The following NIBAN2 variants were observed in gnomAD, a reference collection of about 807,000 sequenced individuals.
NIBAN2 encodes protein Niban 2.
A neutral mutation model predicts 81.8 loss-of-function variants in NIBAN2; 36 were observed. The ratio of observed to expected loss-of-function variants is 0.44; its 90% CI spans 0.34 to 0.58. The LOEUF (loss-of-function observed/expected upper bound fraction) is 0.58. Ranked by LOEUF, NIBAN2 falls within the 20% of genes least tolerant of loss-of-function variation. The probability of loss-of-function intolerance (pLI) is 0.02; values close to 1 mark genes in which losing one functional copy is unlikely to be tolerated. For missense variants in NIBAN2, 897 were observed against 1,014.1 expected (o/e 0.88, Z 1.57); for synonymous variants, 445 against 441.6 (o/e 1.01, Z -0.10).
chr9:127,542,481 A>T (rs1837397406), intron 1 of NIBAN2, among the ~76,000 whole-genome samples: 1 of 152,130 alleles, frequency 6.6e-6, no homozygotes, highest in Non-Finnish European at 1.5e-5. Context: ...CTCAGGCCAG[A>T]CCCACCCCCA....
In NIBAN2 at chr9:127,523,758, G is replaced by A. The variant is rs755823089; in HGVS notation, c.510C>T (p.Tyr170=). ...CGGCTTCTGTCATCATGCAGAAGTAGTAGTGACGCGCATAAGGATGCCAGA... is the reference window on the plus strand; with the variant it reads ...CGGCTTCTGTCATCATGCAGAAGTAATAGTGACGCGCATAAGGATGCCAGA... ...LILWHPYARH[Y]YFCMMTEAEQ... is the part of the protein sequence containing the mutation. The change falls in exon 5 of 14, where the codon TAC becomes TAT. Residue 170 remains tyrosine (Y), a synonymous_variant. Coordinates refer to ENST00000373312, the MANE Select transcript of NIBAN2 (RefSeq NM_022833.4). The A allele has an allele frequency of 1.6e-5, 26 of 1,614,022 alleles. No individual in the cohort carries two copies. Among genetic ancestry groups the A allele is most frequent in the Non-Finnish European group, 2.1e-5 (25 of 1,180,040 alleles).
upstream of NIBAN2, chr9:127,569,172 C>T: frequency 1.4e-6 from 1 of 739,288 alleles, no homozygotes; most frequent in Non-Finnish European, 1.6e-6. Flanking sequence ...CGCCCGCTGC[C>T]CTGCGCCCGC....
chr9:127,578,471 G>GGCC (rs1346459096), intron 1 of NIBAN2, among the ~76,000 whole-genome samples: 3 of 151,734 alleles, frequency 2.0e-5, no homozygotes, highest in Non-Finnish European at 4.4e-5. Flanking sequence ...AGACCAGCCT[G>GGCC]GCCAACATCG....
In NIBAN2 at chr9:127,548,958, G is replaced by A. The variant is rs562790544; in HGVS notation, c.56-17180C>T. ...GATGCCCAGGATAAGGGACCCTGGC[G>A]GGTAGGGAAGGCCTCATCACTGGAG... On this transcript the variant is annotated intron_variant, in intron 1 of 13. Transcript: ENST00000373312. 8.5e-5 allele frequency among the ~76,000 whole-genome samples: 13 copies of A among 152,282 alleles called. No individual in the cohort carries two copies. In the East Asian group the frequency reaches 1.2e-3, roughly 14 times the overall value.
chr9:127,569,187 T>TCCCCC (rs1272646904), upstream of NIBAN2: 2 of 556,974 alleles, frequency 3.6e-6, no homozygotes, highest in African/African-American at 7.8e-5. Flanking sequence ...GCCCGCCGCG[T>TCCCCC]CCCACCCCGC....
At chr9:127,512,127 A>G (rs1190354213) in intron 8 of NIBAN2, among the ~76,000 whole-genome samples, 1 of 152,178 alleles carries the variant, frequency 6.6e-6, no homozygotes, top group Non-Finnish European at 1.5e-5. Flanking sequence ...ATTAATGCAT[A>G]TCTGCTTCCC....
At chr9:127,520,281 C>T (rs1040497403) in intron 5 of NIBAN2, among the ~76,000 whole-genome samples, 13 of 145,222 alleles carry the variant, frequency 9.0e-5, no homozygotes, top group African/African-American at 3.3e-4. Flanking sequence ...CTCTGTCGCC[C>T]AGGCTGGAGT....
At chr9:127,533,192 T>C (rs1005726601) in intron 1 of NIBAN2, among the ~76,000 whole-genome samples, 6 of 151,374 alleles carry the variant, frequency 4.0e-5, no homozygotes, top group African/African-American at 1.2e-4. Flanking sequence ...CACGGTGGCT[T>C]AGGCCTGTAA....
upstream of NIBAN2, among the ~76,000 whole-genome samples, chr9:127,569,748 CG>C (rs1472801051): frequency 1.3e-5 from 2 of 152,226 alleles, no homozygotes; most frequent in African/African-American, 4.8e-5. Context: ...GGGGAAGGCT[CG>C]GGCCCGAAGG....
intron 1 of NIBAN2, among the ~76,000 whole-genome samples, chr9:127,567,938 T>A (rs1031334871): frequency 5.9e-5 from 9 of 152,106 alleles, no homozygotes; most frequent in African/African-American, 2.2e-4. Flanking sequence ...CCAGGGCAGC[T>A]CCACCAGCCA....
intron 1 of NIBAN2, among the ~76,000 whole-genome samples, chr9:127,562,088 C>G (rs1837784119): frequency 6.6e-6 from 1 of 152,118 alleles, no homozygotes; most frequent in Non-Finnish European, 1.5e-5. Flanking sequence ...TGGGGCTGGT[C>G]AGAGGCTGTG....
rs1203273880 is a variant in NIBAN2 at position 127,536,728 on chromosome 9, G to A, written c.56-4950C>T. On this transcript the variant is annotated intron_variant, in intron 1 of 13. Transcript: ENST00000373312. This position sits in a 1 kb window ranked among gnomAD's most constrained non-coding sequence, Gnocchi z 4.0. ...TGAGCCAGAGAGGGTGAGCAGCTCA[G>A]CTGAGGTCACACAGCCAGATGGAGG... is the stretch of plus-strand genomic sequence containing the variant. 6.6e-6 allele frequency among the ~76,000 whole-genome samples: 1 copy of A among 152,232 alleles called. No homozygotes were observed. The highest frequency in any genetic ancestry group is 1.5e-5 in the Non-Finnish European group (1 of 68,040).
rs375126632 is a variant in NIBAN2, at chr9:127,525,153, C to A, written c.326G>T (p.Arg109Leu). Residue 109 changes from arginine (R) to leucine (L), a missense_variant, in exon 4 of 14, where the codon CGG (arginine) becomes CTG (leucine). Around this residue, in one of 3 missense-constraint regions of NIBAN2, gnomAD observed 209 missense variants for 208.4 expected, o/e 1.00. Coordinates refer to ENST00000373312, the MANE Select transcript of NIBAN2 (RefSeq NM_022833.4). The stretch of plus-strand genomic sequence containing the variant: ...GATGACGGCTCGTGGTGGGACCTGC[C>A]GCTCATAGGCCTGAGGGAGGCAAGA... The part of the protein sequence containing the change: ...VLYENKAAYE[R>L]QVPPRAVINS... 1.9e-6 allele frequency: 3 copies of A among 1,613,814 alleles called. No homozygotes were observed. The highest frequency in any genetic ancestry group is 2.7e-5 in the African/African-American group (2 of 74,910).
rs984731779 is a variant in NIBAN2, at chr9:127,536,617, C to T, written c.56-4839G>A. 6.6e-6 allele frequency among the ~76,000 whole-genome samples: 1 copy of T among 152,244 alleles called. No individual in the cohort carries two copies. Among genetic ancestry groups the T allele is most frequent in the African/African-American group, 2.4e-5 (1 of 41,466 alleles). On this transcript the variant is annotated intron_variant, in intron 1 of 13. Transcript: ENST00000373312. The surrounding 1 kb of genome is among the most constrained non-coding windows in gnomAD (Gnocchi z 4.0). The stretch of plus-strand genomic sequence containing the variant: ...AGCTCTTTCCATTTCCTGCCGCAGC[C>T]TCTGGAGACACCACACGCCACGGAT...
rs780863561 is a variant in NIBAN2, at chr9:127,525,152, C to A, written c.327G>T (p.Arg109=). 5 of 1,613,850 alleles carry A rather than the reference C, an allele frequency of 3.1e-6. No homozygotes were observed. The Admixed American group carries it at 8.3e-5, about 27-fold the overall frequency. The change falls in exon 4 of 14, where the codon CGG becomes CGT. Residue 109 remains arginine (R), a synonymous_variant. Coordinates refer to ENST00000373312, the MANE Select transcript of NIBAN2 (RefSeq NM_022833.4). Reference sequence around the variant, plus strand: ...TGATGACGGCTCGTGGTGGGACCTGCCGCTCATAGGCCTGAGGGAGGCAAG... The same window carrying A: ...TGATGACGGCTCGTGGTGGGACCTGACGCTCATAGGCCTGAGGGAGGCAAG... ...VLYENKAAYE[R]QVPPRAVINS...
At chr9:127,510,017 C>G (rs1465187501) in intron 9 of NIBAN2, 129 bp downstream of exon 9, 6 of 827,010 alleles carry the variant, frequency 7.3e-6, no homozygotes, top group Non-Finnish European at 1.1e-5. Flanking sequence ...TAGTCCCCAG[C>G]AGCCCCTCCC....
intron 8 of NIBAN2, among the ~76,000 whole-genome samples, chr9:127,512,815 G>A (rs1423091296): frequency 1.3e-5 from 2 of 152,088 alleles, no homozygotes; most frequent in Non-Finnish European, 2.9e-5. Context: ...CAGTTTGGAG[G>A]TTCCTCAAAA....
At chr9:127,532,094 T>G (rs911150669) in intron 1 of NIBAN2, among the ~76,000 whole-genome samples, 9 of 152,130 alleles carry the variant, frequency 5.9e-5, no homozygotes, top group Admixed American at 2.0e-4. Flanking sequence ...AAACAGGCCA[T>G]GTCACTCAGA....
At chr9:127,552,147 G>A (rs1421720987) in intron 1 of NIBAN2, among the ~76,000 whole-genome samples, 3 of 152,170 alleles carry the variant, frequency 2.0e-5, no homozygotes, top group Non-Finnish European at 4.4e-5. Context: ...GACCATGGCC[G>A]CCTCCCCACC....
Sources: allele counts gnomAD v4.1 joint callset (sites outside exome capture counted in the v4.1 genomes callset), GRCh38; gene constraint gnomAD v4.1.1; regional missense constraint gnomAD v4.1.1; non-coding constraint Gnocchi (gnomAD v3.1); transcripts MANE v1.5; gene names NCBI Gene and HGNC (gene_info 2026-07-23, HGNC 2026-07-21).